Variants in NR3C2 observed in about 807,000 individuals in gnomAD.
The protein encoded by NR3C2 is nuclear receptor subfamily 3 group C member 2, also known as mineralocorticoid receptor.
A neutral mutation model predicts 86.4 loss-of-function variants in NR3C2; 15 were observed. The ratio of observed to expected loss-of-function variants is 0.17; its 90% CI spans 0.12 to 0.27. The LOEUF (loss-of-function observed/expected upper bound fraction) is 0.27. Ranked by LOEUF, NR3C2 falls within the 10% of genes least tolerant of loss-of-function variation. The probability of loss-of-function intolerance (pLI) is 1.00; values close to 1 mark genes in which losing one functional copy is unlikely to be tolerated. For missense variants in NR3C2, 960 were observed against 1,195.6 expected, an observed-to-expected ratio of 0.80 and a Z score of 2.91; for synonymous variants, 458 against 450.5, an observed-to-expected ratio of 1.02 and a Z score of -0.21.
intron 2 of NR3C2, among the ~76,000 whole-genome samples, chr4:148,349,336 AT>A (rs578051200): frequency 3.4e-5 from 5 of 148,866 alleles, no homozygotes; most frequent in Middle Eastern, 6.9e-3. Flanking sequence ...CTGACTCTCT[AT>A]TTTTTTTTTC....
At chr4:148,247,417 C>T (rs1447901170) in intron 3 of NR3C2, among the ~76,000 whole-genome samples, 2 of 152,126 alleles carry the variant, frequency 1.3e-5, no homozygotes, top group Non-Finnish European at 2.9e-5. Flanking sequence ...GAACTGAGTT[C>T]AGTAGTGGGC....
chr4:148,289,868 A>T (rs1024611622), intron 2 of NR3C2, among the ~76,000 whole-genome samples: 2 of 152,264 alleles, frequency 1.3e-5, no homozygotes, highest in African/African-American at 4.8e-5. Flanking sequence ...CGAGTGGCAA[A>T]CAAAAGCTTA....
intron 2 of NR3C2, among the ~76,000 whole-genome samples, chr4:148,358,658 A>T (rs912571044): frequency 1.3e-5 from 2 of 151,982 alleles, no homozygotes; most frequent in Non-Finnish European, 2.9e-5. Context: ...AAAATGCCAT[A>T]TCTCCGTTCT....
chr4:148,130,654 G>A (rs1296479317), intron 6 of NR3C2, among the ~76,000 whole-genome samples: 4 of 151,996 alleles, frequency 2.6e-5, no homozygotes, highest in Admixed American at 6.5e-5. Flanking sequence ...AACAGGAACA[G>A]GTAAATCAAC....
intron 2 of NR3C2, among the ~76,000 whole-genome samples, chr4:148,313,382 AG>A (rs1743000364): frequency 6.6e-6 from 1 of 152,340 alleles, no homozygotes; most frequent in South Asian, 2.1e-4. Context: ...AAATTTACAT[AG>A]TAGAGGACTA....
chr4:148,330,645 TA>T, intron 2 of NR3C2, among the ~76,000 whole-genome samples: 1 of 152,372 alleles, frequency 6.6e-6, no homozygotes, highest in Admixed American at 6.5e-5. Flanking sequence ...CTAACACTGT[TA>T]TTCTCCCATT....
chr4:148,405,438 T>C (rs543813444), intron 2 of NR3C2, among the ~76,000 whole-genome samples: 3 of 152,304 alleles, frequency 2.0e-5, no homozygotes, highest in Admixed American at 2.0e-4. Flanking sequence ...TCTTGTTATA[T>C]CCACACTACA....
chr4:148,323,138 C>A (rs548367582), intron 2 of NR3C2, among the ~76,000 whole-genome samples: 1 of 149,748 alleles, frequency 6.7e-6, no homozygotes, highest in Non-Finnish European at 1.5e-5. Context: ...ATACCCTGCC[C>A]TGTGAGGTGT....
intron 2 of NR3C2, among the ~76,000 whole-genome samples, chr4:148,332,501 A>G (rs1744279529): frequency 1.3e-5 from 2 of 152,222 alleles, no homozygotes; most frequent in Admixed American, 1.3e-4. Context: ...AACATGCACA[A>G]ACATTTCTTA....
intron 2 of NR3C2, among the ~76,000 whole-genome samples, chr4:148,359,373 A>C (rs1052756063): frequency 5.3e-5 from 8 of 152,180 alleles, no homozygotes; most frequent in African/African-American, 1.9e-4. Flanking sequence ...TTCCTGATAG[A>C]AGTTAGGATT....
intron 2 of NR3C2, among the ~76,000 whole-genome samples, chr4:148,299,771 A>AT (rs34966836): frequency 6.6e-6 from 1 of 151,602 alleles, no homozygotes; most frequent in African/African-American, 2.4e-5. Flanking sequence ...TTATTTTTTT[A>AT]TTTTTTTCTC....
At chr4:148,420,453 G>A (rs947413858) in intron 2 of NR3C2, among the ~76,000 whole-genome samples, 5 of 152,166 alleles carry the variant, frequency 3.3e-5, no homozygotes, top group African/African-American at 1.2e-4. Context: ...TTTTATTAAC[G>A]AAATTAGTAT....
intron 4 of NR3C2, among the ~76,000 whole-genome samples, chr4:148,185,343 G>A (rs1735841818): frequency 1.3e-5 from 2 of 152,138 alleles, no homozygotes; most frequent in Admixed American, 1.3e-4. Flanking sequence ...GGTACTTGGA[G>A]CACGTCCTCA....
intron 6 of NR3C2, among the ~76,000 whole-genome samples, chr4:148,141,427 C>T (rs1365832015): frequency 7.2e-6 from 1 of 139,404 alleles, no homozygotes; most frequent in Admixed American, 7.5e-5. Flanking sequence ...ATCTCTCTCT[C>T]TCTCTCTCTC....
At chr4:148,411,353 G>T (rs1560717733) in intron 2 of NR3C2, among the ~76,000 whole-genome samples, 1 of 152,116 alleles carries the variant, frequency 6.6e-6, no homozygotes, top group Non-Finnish European at 1.5e-5. Flanking sequence ...AGATTTAAAA[G>T]ATGTTAACAT....
chr4:148,208,183 C>A (rs1174106276), intron 3 of NR3C2: 2 of 152,270 alleles, frequency 1.3e-5, no homozygotes, highest in East Asian at 3.8e-4. Context: ...GAGCACTGTT[C>A]CGGGAGCAGA....
intron 2 of NR3C2, among the ~76,000 whole-genome samples, chr4:148,274,569 T>C (rs1266497794): frequency 1.3e-5 from 2 of 152,142 alleles, no homozygotes; most frequent in East Asian, 1.9e-4. Flanking sequence ...TGCTGCCATG[T>C]AAGACGTGCC....
intron 4 of NR3C2, among the ~76,000 whole-genome samples, chr4:148,155,104 T>A (rs567314124): frequency 6.6e-6 from 1 of 152,148 alleles, no homozygotes; most frequent in Non-Finnish European, 1.5e-5. Context: ...CCTTCCTTCT[T>A]TCATTCATTT....
intron 2 of NR3C2, among the ~76,000 whole-genome samples, chr4:148,298,237 T>C (rs539149062): frequency 9.9e-5 from 15 of 152,232 alleles, no homozygotes; most frequent in South Asian, 4.1e-4. Flanking sequence ...AATGACTTTA[T>C]AGATGACATA....
Sources: allele counts gnomAD v4.1 joint callset (sites outside exome capture counted in the v4.1 genomes callset), GRCh38; gene constraint gnomAD v4.1.1; transcripts MANE v1.5; gene names NCBI Gene and HGNC (gene_info 2026-07-23, HGNC 2026-07-21).